Variants in HS3ST4 observed in about 807,000 individuals in gnomAD.
HS3ST4 encodes heparan sulfate-glucosamine 3-sulfotransferase 4.
A neutral mutation model predicts 29.2 loss-of-function variants in HS3ST4; 17 were observed. The ratio of observed to expected loss-of-function variants is 0.58; its 90% CI spans 0.40 to 0.87. The LOEUF is 0.87. HS3ST4 is among the 40% of genes least tolerant of loss of function. The probability of loss-of-function intolerance (pLI) is 0.00; values close to 1 mark genes in which losing one functional copy is unlikely to be tolerated. For missense variants in HS3ST4, 627 were observed against 634.5 expected (o/e 0.99, Z 0.13); for synonymous variants, 314 against 285.7 (o/e 1.10, Z -1.00).
At chr16:25,752,563 C>G (rs908057543) in intron 1 of HS3ST4, among the ~76,000 whole-genome samples, 1 of 152,188 alleles carries the variant, frequency 6.6e-6, no homozygotes, top group Admixed American at 6.5e-5. Flanking sequence ...GGGAATTGTG[C>G]TGTTTAAAAA....
At chr16:25,841,296 C>T (rs867823510) in intron 1 of HS3ST4, among the ~76,000 whole-genome samples, 30 of 151,810 alleles carry the variant, frequency 2.0e-4, no homozygotes, top group African/African-American at 5.8e-4. Flanking sequence ...TGAGCCACCA[C>T]GCCCGGCCAC....
At chr16:26,118,715 A>G (rs187415744) in intron 1 of HS3ST4, among the ~76,000 whole-genome samples, 8 of 152,304 alleles carry the variant, frequency 5.3e-5, no homozygotes, top group African/African-American at 1.7e-4. Flanking sequence ...AGATCTGGGG[A>G]AAGATCACTC....
At chr16:25,799,638 C>T (rs903227560) in intron 1 of HS3ST4, among the ~76,000 whole-genome samples, 15 of 152,144 alleles carry the variant, frequency 9.9e-5, no homozygotes, top group Admixed American at 1.3e-4. Flanking sequence ...CCTCACTACT[C>T]ACTACTTTGG....
chr16:25,889,887 G>A (rs967509233), intron 1 of HS3ST4, among the ~76,000 whole-genome samples: 5 of 143,842 alleles, frequency 3.5e-5, no homozygotes, highest in African/African-American at 1.3e-4. Flanking sequence ...GGTTTTATCA[G>A]GGGAATTCCC....
Position 26,132,628 on chromosome 16 carries a change from G to A in HS3ST4, c.735-2984G>A, listed in dbSNP as rs141490108. Among the ~76,000 whole-genome samples the A allele has an allele frequency of 9.6e-3, 1,457 of 152,224 alleles. 10 individuals carry two copies. The highest frequency in any genetic ancestry group is 0.015 in the Admixed American group (232 of 15,290). On this transcript the variant is annotated intron_variant, in intron 1 of 1. Transcript: ENST00000331351. ...AGATCCACAAAGATCTTGACAGATC[G>A]TCAATCAGCTGAAGTAAAGGAGATG...
rs150075597 is a variant in HS3ST4 at position 26,047,283 on chromosome 16, C to T, written c.735-88329C>T. Reference sequence around the variant, plus strand: ...AGGTCAGAAGTTGTAGCAGAAGTGCCTGGCTTTATTTTTCTGCATCAAGGA... The same window carrying T: ...AGGTCAGAAGTTGTAGCAGAAGTGCTTGGCTTTATTTTTCTGCATCAAGGA... On this transcript the variant is annotated intron_variant, in intron 1 of 1. Coordinates refer to ENST00000331351, the MANE Select transcript of HS3ST4 (RefSeq NM_006040.3). Among the ~76,000 whole-genome samples, 743 of 152,334 alleles carry T rather than the reference C, an allele frequency of 4.9e-3. 10 individuals are homozygous for T. Among genetic ancestry groups the T allele is most frequent in the African/African-American group, 0.017 (705 of 41,588 alleles).
At chr16:26,084,637 TGCTCTGTCACCCAG>T (rs1898763118) in intron 1 of HS3ST4, among the ~76,000 whole-genome samples, 1 of 152,194 alleles carries the variant, frequency 6.6e-6, no homozygotes, top group South Asian at 2.1e-4. Context: ...AACAGAGACT[TGCTCTGTCACCCAG>T]GCTCTGGAGT....
chr16:25,781,092 G>C (rs958095708), intron 1 of HS3ST4, among the ~76,000 whole-genome samples: 2 of 152,186 alleles, frequency 1.3e-5, no homozygotes, highest in African/African-American at 4.8e-5. Context: ...AGGGCAGCTT[G>C]TTGTTATAAA....
At chr16:26,049,797 T>C (rs1248093266) in intron 1 of HS3ST4, among the ~76,000 whole-genome samples, 2 of 152,092 alleles carry the variant, frequency 1.3e-5, no homozygotes, top group African/African-American at 4.8e-5. Context: ...TCCTTTAAGT[T>C]TGATTAATTT....
rs545227361 is a variant in HS3ST4 at position 25,704,149 on chromosome 16, C to T, written c.734+10998C>T. On this transcript the variant is annotated intron_variant, in intron 1 of 1. Coordinates refer to ENST00000331351, the MANE Select transcript of HS3ST4 (RefSeq NM_006040.3). ...GAACAAAAAGAGGACCTTGTATGTA[C>T]GATACTCCAGGCTTCTGGAAAGAAA... 1.0e-3 allele frequency among the ~76,000 whole-genome samples: 156 copies of T among 152,244 alleles called. 1 individual carries two copies. The highest frequency in any genetic ancestry group is 3.4e-3 in the Middle Eastern group (1 of 294).
chr16:25,780,548 G>A (rs1315548288), intron 1 of HS3ST4, among the ~76,000 whole-genome samples: 1 of 152,180 alleles, frequency 6.6e-6, no homozygotes, highest in African/African-American at 2.4e-5. Context: ...TAAAGAAGGA[G>A]GAGAAGCAAA....
At chr16:26,080,724 G>A (rs999507190) in intron 1 of HS3ST4, among the ~76,000 whole-genome samples, 6 of 152,114 alleles carry the variant, frequency 3.9e-5, no homozygotes, top group South Asian at 2.1e-4. Flanking sequence ...CTGCTCCCGC[G>A]GAGCATTAAC....
chr16:25,935,570 A>G (rs1227543712), intron 1 of HS3ST4, among the ~76,000 whole-genome samples: 2 of 152,130 alleles, frequency 1.3e-5, no homozygotes, highest in African/African-American at 2.4e-5. Flanking sequence ...AACATATAGT[A>G]TGTGGGCATT....
intron 1 of HS3ST4, among the ~76,000 whole-genome samples, chr16:25,745,568 G>A (rs1283615732): frequency 6.6e-6 from 1 of 152,084 alleles, no homozygotes; most frequent in Non-Finnish European, 1.5e-5. Flanking sequence ...AAATTTAAGT[G>A]TTAAATTGGT....
intron 1 of HS3ST4, among the ~76,000 whole-genome samples, chr16:26,045,655 GC>G (rs761315811): frequency 2.0e-5 from 3 of 151,824 alleles, no homozygotes; most frequent in Non-Finnish European, 4.4e-5. Context: ...CTCTTCCTAA[GC>G]CCTTGATGGC....
intron 1 of HS3ST4, chr16:26,032,770 T>A (rs1969543364): frequency 4.0e-6 from 5 of 1,255,994 alleles, no homozygotes; most frequent in Non-Finnish European, 5.8e-6. Flanking sequence ...TCACCTTGGC[T>A]TTATCTCCCT....
At chr16:25,843,693 G>A (rs145465498) in intron 1 of HS3ST4, among the ~76,000 whole-genome samples, 166 of 152,256 alleles carry the variant, frequency 1.1e-3, no homozygotes, top group African/African-American at 3.6e-3. Context: ...TCTAATGATC[G>A]TCTACATTTA....
intron 1 of HS3ST4, among the ~76,000 whole-genome samples, chr16:25,942,754 G>A (rs1228689990): frequency 6.6e-6 from 1 of 151,706 alleles, no homozygotes; most frequent in Admixed American, 6.6e-5. Flanking sequence ...AATTAGCTAG[G>A]ATGACAGTCA....
At chr16:25,733,888 G>A (rs1330941336) in intron 1 of HS3ST4, among the ~76,000 whole-genome samples, 8 of 152,222 alleles carry the variant, frequency 5.3e-5, no homozygotes, top group Admixed American at 5.2e-4. Context: ...GGAGGCAGAA[G>A]CAGGCAGATC....
Sources: allele counts gnomAD v4.1 joint callset (sites outside exome capture counted in the v4.1 genomes callset), GRCh38; gene constraint gnomAD v4.1.1; transcripts MANE v1.5; gene names NCBI Gene and HGNC (gene_info 2026-07-23, HGNC 2026-07-21).